The following PCED1B variants were observed in gnomAD, a reference collection of about 807,000 sequenced individuals.
The protein encoded by PCED1B is PC-esterase domain containing 1B, also known as PC-esterase domain-containing protein 1B.
For synonymous variants in PCED1B, 251 were observed against 246.1 expected, an observed-to-expected ratio of 1.02 and a Z score of -0.19; for missense variants, 573 against 573.9, an observed-to-expected ratio of 1.00 and a Z score of 0.02.
At chr12:47,131,037 C>G (rs546260682) in intron 2 of PCED1B, among the ~76,000 whole-genome samples, 2 of 152,026 alleles carry the variant, frequency 1.3e-5, no homozygotes, top group Non-Finnish European at 2.9e-5. Flanking sequence ...TTCAGTCATC[C>G]GCCAAAAACA....
intron 1 of PCED1B, among the ~76,000 whole-genome samples, chr12:47,091,534 T>G (rs1938266729): frequency 6.6e-6 from 1 of 152,156 alleles, no homozygotes; most frequent in Admixed American, 6.5e-5. Flanking sequence ...AACAGAAGTT[T>G]TTAGTTTCAA....
At chr12:47,215,027 C>T (rs954241915) in intron 2 of PCED1B, among the ~76,000 whole-genome samples, 7 of 151,488 alleles carry the variant, frequency 4.6e-5, no homozygotes, top group Middle Eastern at 3.2e-3. Flanking sequence ...CCTGGGATTA[C>T]GGGAACCTGG....
chr12:47,131,639 T>G (rs1159514507), intron 2 of PCED1B, among the ~76,000 whole-genome samples: 2 of 151,064 alleles, frequency 1.3e-5, no homozygotes, highest in Non-Finnish European at 2.9e-5. Context: ...ATCCTGCATC[T>G]TGATTGTGCT....
intron 2 of PCED1B, among the ~76,000 whole-genome samples, chr12:47,117,104 T>A (rs1246701492): frequency 6.6e-6 from 1 of 152,196 alleles, no homozygotes; most frequent in Non-Finnish European, 1.5e-5. Flanking sequence ...CACCATGGAC[T>A]CCCAGAATGC....
At chr12:47,228,983 ATCTAATTTGATCT>A (rs1943716718) in intron 3 of PCED1B, among the ~76,000 whole-genome samples, 1 of 151,798 alleles carries the variant, frequency 6.6e-6, no homozygotes, top group South Asian at 2.1e-4. Context: ...CACTTGCATC[ATCTAATTTGATCT>A]TCATAGAACC....
chr12:47,146,425 T>G (rs1316368119), intron 2 of PCED1B, among the ~76,000 whole-genome samples: 2 of 152,210 alleles, frequency 1.3e-5, no homozygotes, highest in East Asian at 3.9e-4. Flanking sequence ...TAAGTCCTAC[T>G]GTGGGTAAAA....
At chr12:47,180,906 A>G (rs964625445) in intron 2 of PCED1B, among the ~76,000 whole-genome samples, 2 of 152,216 alleles carry the variant, frequency 1.3e-5, no homozygotes, top group Admixed American at 6.5e-5. Flanking sequence ...ATGAGAAAGT[A>G]TACATATACA....
chr12:47,173,875 T>C (rs1348817073), intron 2 of PCED1B, among the ~76,000 whole-genome samples: 1 of 152,142 alleles, frequency 6.6e-6, no homozygotes, highest in African/African-American at 2.4e-5. Flanking sequence ...CTGAGGAAAA[T>C]GTCTGTGGTA....
intron 2 of PCED1B, among the ~76,000 whole-genome samples, chr12:47,155,237 A>C (rs1941154169): frequency 6.6e-6 from 1 of 152,212 alleles, no homozygotes; most frequent in Non-Finnish European, 1.5e-5. Flanking sequence ...CCATATACTG[A>C]AAGGAGCTAC....
intron 1 of PCED1B, among the ~76,000 whole-genome samples, chr12:47,090,292 G>C (rs1244217916): frequency 6.6e-6 from 1 of 152,170 alleles, no homozygotes; most frequent in East Asian, 1.9e-4. Context: ...TTATCAGACA[G>C]CTGAGGAGCC....
intron 2 of PCED1B, among the ~76,000 whole-genome samples, chr12:47,211,393 T>A (rs1301786573): frequency 1.3e-5 from 2 of 152,048 alleles, no homozygotes; most frequent in South Asian, 2.1e-4. Context: ...GACTCACGCC[T>A]GTAATCCCAG....
chr12:47,185,828 A>G (rs974770100), intron 2 of PCED1B, among the ~76,000 whole-genome samples: 1 of 152,088 alleles, frequency 6.6e-6, no homozygotes, highest in Non-Finnish European at 1.5e-5. Flanking sequence ...GACTGACAAA[A>G]GACAGATTAA....
In PCED1B at chr12:47,236,226, G is replaced by A. The variant is rs1279810981; in HGVS notation, c.1163G>A (p.Arg388His). ...CCTATGCCCTTCTTCCCCACACCCC[G>A]TTATCAGCGGCCTGCCCCAGTGGTA... The part of the protein sequence containing the change: ...QLPMPFFPTP[R>H]YQRPAPVVHR... The change falls in exon 4 of 4, where the codon CGT becomes CAT. Residue 388 changes from arginine (R) to histidine (H), a missense_variant. Physicochemically the swap from Arg to His is conservative, Grantham distance 29. Coordinates refer to ENST00000546455, the MANE Select transcript of PCED1B (RefSeq NM_138371.3). 4.3e-6 allele frequency: 7 copies of A among 1,614,004 alleles called. No individual in the cohort carries two copies. The highest frequency in any genetic ancestry group is 4.2e-6 in the Non-Finnish European group (5 of 1,180,004).
At chr12:47,171,721 C>T (rs1337955013) in intron 2 of PCED1B, among the ~76,000 whole-genome samples, 2 of 152,142 alleles carry the variant, frequency 1.3e-5, no homozygotes, top group Non-Finnish European at 2.9e-5. Flanking sequence ...TAGTTCTTTT[C>T]TCTCTGATAT....
In PCED1B at chr12:47,216,367, T is replaced by C. The variant is rs572070227; in HGVS notation, c.-380T>C. Reference sequence around the variant, plus strand: ...AAAACCAAATTCCAGGAAGATGCTGTCTTTGTATTGACTTACCATTTCATG... The same window carrying C: ...AAAACCAAATTCCAGGAAGATGCTGCCTTTGTATTGACTTACCATTTCATG... On this transcript the variant is annotated 5_prime_UTR_variant, in exon 3 of 4. Transcript: ENST00000546455. 1 of 152,376 alleles carries C rather than the reference T, an allele frequency of 6.6e-6. No homozygotes were observed. Among genetic ancestry groups the C allele is most frequent in the South Asian group, 2.1e-4 (1 of 4,830 alleles). The allele number at this position is 152,376 out of a possible 1,614,324, so 9.4% of individuals were successfully genotyped here.
chr12:47,129,063 A>G (rs1237655659), intron 2 of PCED1B, among the ~76,000 whole-genome samples: 1 of 152,102 alleles, frequency 6.6e-6, no homozygotes, highest in Non-Finnish European at 1.5e-5. Context: ...CTTTCCTTTC[A>G]TTGTTCCTGC....
At chr12:47,141,895 G>A (rs557591787) in intron 2 of PCED1B, among the ~76,000 whole-genome samples, 75 of 151,636 alleles carry the variant, frequency 4.9e-4, no homozygotes, top group African/African-American at 1.3e-3. Context: ...TCCCACCAAA[G>A]GACCCAGGAG....
chr12:47,081,290 C>T (rs894661400), intron 1 of PCED1B, among the ~76,000 whole-genome samples: 3 of 152,070 alleles, frequency 2.0e-5, no homozygotes, highest in African/African-American at 7.2e-5. Flanking sequence ...ATGAGGACAA[C>T]CAACTCTTCC....
chr12:47,175,572 G>C (rs1030847395), intron 2 of PCED1B, among the ~76,000 whole-genome samples: 2 of 151,924 alleles, frequency 1.3e-5, no homozygotes, highest in African/African-American at 4.8e-5. Context: ...ATGTATGTAT[G>C]TATGTATGTA....
Sources: allele counts gnomAD v4.1 joint callset (sites outside exome capture counted in the v4.1 genomes callset), GRCh38; gene constraint gnomAD v4.1.1; transcripts MANE v1.5; gene names NCBI Gene and HGNC (gene_info 2026-07-23, HGNC 2026-07-21).